The following CNTN5 variants were observed in gnomAD, a reference collection of about 807,000 sequenced individuals.
CNTN5 encodes the protein contactin-5.
CNTN5 carries 77 observed loss-of-function variants against 129.1 expected under a neutral mutation model. That is an observed-to-expected ratio of 0.60 (90% CI 0.50 to 0.72). The LOEUF is 0.72. Ranked by LOEUF, CNTN5 falls within the 30% of genes least tolerant of loss-of-function variation. The pLI is 0.00. For synonymous variants in CNTN5, 509 were observed against 465.6 expected, an observed-to-expected ratio of 1.09 and a Z score of -1.20; for missense variants, 1,478 against 1,328.8, an observed-to-expected ratio of 1.11 and a Z score of -1.75.
chr11:99,030,186 C>T lies in CNTN5; in HGVS notation c.-210+8916C>T, dbSNP rs192653966. On this transcript the variant is annotated intron_variant, in intron 1 of 24. Transcript: ENST00000524871. Reference sequence around the variant, plus strand: ...TGTAAAAGATGATATTGACTACTAACTCATAGTTTTTTTTTGCGAGAAGGA... The same window carrying T: ...TGTAAAAGATGATATTGACTACTAATTCATAGTTTTTTTTTGCGAGAAGGA... 7.1e-3 allele frequency among the ~76,000 whole-genome samples: 1,076 copies of T among 152,122 alleles called. 10 individuals are homozygous for T. The highest frequency in any genetic ancestry group is 0.024 in the African/African-American group (1,010 of 41,426).
chr11:100,306,019 C>T (rs1386782452), intron 20 of CNTN5, among the ~76,000 whole-genome samples: 1 of 149,744 alleles, frequency 6.7e-6, no homozygotes, highest in Non-Finnish European at 1.5e-5. Context: ...GGGGGGGGCA[C>T]ATTCAAAGCT....
intron 4 of CNTN5, among the ~76,000 whole-genome samples, chr11:99,841,093 A>T (rs1277366258): frequency 6.6e-6 from 1 of 152,122 alleles, no homozygotes; most frequent in African/African-American, 2.4e-5. Flanking sequence ...TTGGCATTTG[A>T]AATACTTTCT....
intron 1 of CNTN5, among the ~76,000 whole-genome samples, chr11:99,166,302 T>C (rs1860862534): frequency 6.7e-6 from 1 of 149,534 alleles, no homozygotes; most frequent in Non-Finnish European, 1.5e-5. Flanking sequence ...CTCTGGAGGC[T>C]GAGGCAGAAG....
intron 16 of CNTN5, among the ~76,000 whole-genome samples, chr11:100,236,635 T>C (rs1338802351): frequency 6.6e-6 from 1 of 152,130 alleles, no homozygotes; most frequent in East Asian, 1.9e-4. Flanking sequence ...TGGCTTTGTG[T>C]GTTTCAGTCT....
intron 2 of CNTN5, among the ~76,000 whole-genome samples, chr11:99,326,397 C>T (rs949882071): frequency 8.5e-5 from 13 of 152,084 alleles, no homozygotes; most frequent in African/African-American, 3.1e-4. Context: ...TAGGTTAATC[C>T]AGGTTAATTG....
At chr11:99,393,156 A>G (rs1941350321) in intron 2 of CNTN5, among the ~76,000 whole-genome samples, 1 of 151,914 alleles carries the variant, frequency 6.6e-6, no homozygotes, top group Non-Finnish European at 1.5e-5. Context: ...GAAATTGTCC[A>G]GAAATAAAAT....
intron 13 of CNTN5, among the ~76,000 whole-genome samples, chr11:100,183,675 A>G (rs1948208715): frequency 6.6e-6 from 1 of 152,124 alleles, no homozygotes; most frequent in African/African-American, 2.4e-5. Context: ...AGGGTGATGC[A>G]TATGTTTATT....
chr11:100,035,897 T>A (rs1370411920), intron 9 of CNTN5, among the ~76,000 whole-genome samples: 1 of 152,166 alleles, frequency 6.6e-6, no homozygotes, highest in South Asian at 2.1e-4. Context: ...GTTGCAAAAA[T>A]TTTCTCCCAT....
At chr11:99,758,991 A>G (rs1346219059) in intron 3 of CNTN5, among the ~76,000 whole-genome samples, 1 of 152,108 alleles carries the variant, frequency 6.6e-6, no homozygotes, top group East Asian at 1.9e-4. Context: ...AAAGAATATG[A>G]TGAAGGCTGG....
intron 1 of CNTN5, among the ~76,000 whole-genome samples, chr11:99,104,989 C>G (rs1187701850): frequency 1.3e-5 from 2 of 152,080 alleles, no homozygotes; most frequent in African/African-American, 4.8e-5. Context: ...TTAATCAATG[C>G]ACCGATGTAA....
chr11:99,075,131 C>A (rs1359089059), intron 1 of CNTN5, among the ~76,000 whole-genome samples: 1 of 152,162 alleles, frequency 6.6e-6, no homozygotes, highest in Non-Finnish European at 1.5e-5. Context: ...TCTAACAATA[C>A]ATCAATACTC....
At chr11:99,832,873 T>C (rs1947188182) in intron 4 of CNTN5, among the ~76,000 whole-genome samples, 1 of 152,180 alleles carries the variant, frequency 6.6e-6, no homozygotes, top group Non-Finnish European at 1.5e-5. Flanking sequence ...GTCACAGACA[T>C]AAATTACAGC....
At chr11:99,932,282 T>G (rs2136079524) in intron 7 of CNTN5, among the ~76,000 whole-genome samples, 1 of 152,108 alleles carries the variant, frequency 6.6e-6, no homozygotes, top group Non-Finnish European at 1.5e-5. Flanking sequence ...AACCTTCGCC[T>G]CCCGGGTTCC....
At chr11:99,816,709 T>TA (rs1374481147) in intron 3 of CNTN5, among the ~76,000 whole-genome samples, 1 of 152,194 alleles carries the variant, frequency 6.6e-6, no homozygotes, top group African/African-American at 2.4e-5. Flanking sequence ...ATCTAGAACT[T>TA]ACGTTGCTCT....
Position 100,024,643 on chromosome 11 carries a change from G to A in CNTN5, c.980+22507G>A, listed in dbSNP as rs78244579. ...CCAGGCTGAGGTGGTCTCAGATGGAGATGAGGAACTTGTTGGTGACTGGAA... is the reference window on the plus strand; with the variant it reads ...CCAGGCTGAGGTGGTCTCAGATGGAAATGAGGAACTTGTTGGTGACTGGAA... On this transcript the variant is annotated intron_variant, in intron 9 of 24. Coordinates refer to ENST00000524871, the MANE Select transcript of CNTN5 (RefSeq NM_014361.4). 2.0e-5 allele frequency among the ~76,000 whole-genome samples: 3 copies of A among 152,314 alleles called. No homozygotes were observed. In the East Asian group the frequency reaches 5.8e-4, roughly 29 times the overall value.
At chr11:99,847,303 T>C (rs190578048) in intron 6 of CNTN5, among the ~76,000 whole-genome samples, 54 of 152,328 alleles carry the variant, frequency 3.5e-4, no homozygotes, top group Non-Finnish European at 6.6e-4. Flanking sequence ...TCAAATACAC[T>C]CATCTGAAGT....
chr11:99,363,006 T>C (rs1434177239), intron 2 of CNTN5, among the ~76,000 whole-genome samples: 1 of 151,956 alleles, frequency 6.6e-6, no homozygotes, highest in East Asian at 1.9e-4. Context: ...CAAAGCCGCT[T>C]GAGATTCCAT....
intron 13 of CNTN5, among the ~76,000 whole-genome samples, chr11:100,098,047 C>A (rs1008620385): frequency 1.3e-5 from 2 of 151,866 alleles, no homozygotes; most frequent in African/African-American, 4.8e-5. Flanking sequence ...GTTAGCTTTA[C>A]GAGCTAAAAG....
chr11:99,118,625 A>G (rs1298681517), intron 1 of CNTN5, among the ~76,000 whole-genome samples: 1 of 152,114 alleles, frequency 6.6e-6, no homozygotes, highest in Non-Finnish European at 1.5e-5. Context: ...AAAACAATTA[A>G]CGAAAACAAG....
Sources: allele counts gnomAD v4.1 joint callset (sites outside exome capture counted in the v4.1 genomes callset), GRCh38; gene constraint gnomAD v4.1.1; transcripts MANE v1.5; gene names NCBI Gene and HGNC (gene_info 2026-07-23, HGNC 2026-07-21).